Variants in PKIB observed in about 807,000 individuals in gnomAD.
PKIB encodes the protein PKI-beta.
Under a neutral mutation model 4.5 loss-of-function variants are expected in PKIB, and 2 were observed. That is an observed-to-expected ratio of 0.44 (90% CI 0.18 to 1.39). The LOEUF (loss-of-function observed/expected upper bound fraction) is 1.39. Ranked by LOEUF, PKIB falls within the 40% of genes most tolerant of loss-of-function variation. The probability of loss-of-function intolerance (pLI) is 0.27; values close to 1 mark genes in which losing one functional copy is unlikely to be tolerated. For synonymous variants in PKIB, 38 were observed against 36.0 expected (o/e 1.06, Z -0.20); for missense variants, 94 against 92.6 (o/e 1.02, Z -0.06).
chr6:122,668,284 C>G (rs1012501794), intron 2 of PKIB, among the ~76,000 whole-genome samples: 2 of 152,108 alleles, frequency 1.3e-5, no homozygotes, highest in Non-Finnish European at 2.9e-5. Context: ...ACACTAAAAA[C>G]AACAGTGAAA....
chr6:122,684,421 A>C (rs1161415659), intron 3 of PKIB, among the ~76,000 whole-genome samples: 1 of 151,876 alleles, frequency 6.6e-6, no homozygotes, highest in Non-Finnish European at 1.5e-5. Context: ...CTAGCCCTCA[A>C]TCTACCTTTC....
chr6:122,507,191 A>G (rs985352479), intron 2 of PKIB, among the ~76,000 whole-genome samples: 2 of 152,138 alleles, frequency 1.3e-5, no homozygotes, highest in African/African-American at 2.4e-5. Context: ...TGTTGTCAGT[A>G]GTCTTTTAGG....
intron 4 of PKIB, among the ~76,000 whole-genome samples, chr6:122,721,430 G>A (rs1779738529): frequency 6.6e-6 from 1 of 152,170 alleles, no homozygotes. Context: ...TTCCTTTTTA[G>A]ACAAGGACTT....
intron 2 of PKIB, among the ~76,000 whole-genome samples, chr6:122,664,186 C>T (rs1312548725): frequency 6.6e-6 from 1 of 152,162 alleles, no homozygotes; most frequent in Non-Finnish European, 1.5e-5. Context: ...ATGTTTGAAG[C>T]CCAGCTTTCA....
intron 3 of PKIB, among the ~76,000 whole-genome samples, chr6:122,702,167 A>T (rs1289240264): frequency 6.6e-6 from 1 of 152,034 alleles, no homozygotes; most frequent in Admixed American, 6.6e-5. Flanking sequence ...TGAGTGTGCA[A>T]ATTTCCAACT....
chr6:122,605,293 T>C (rs1226704972), upstream of PKIB, among the ~76,000 whole-genome samples: 2 of 151,136 alleles, frequency 1.3e-5, no homozygotes, highest in African/African-American at 2.4e-5. Flanking sequence ...TTATAGTTTC[T>C]GGTCTTTGAT....
chr6:122,567,126 A>C (rs942104378), intron 2 of PKIB, among the ~76,000 whole-genome samples: 1 of 152,220 alleles, frequency 6.6e-6, no homozygotes, highest in African/African-American at 2.4e-5. Context: ...TTCTCAGACT[A>C]TACCATTCTA....
intron 2 of PKIB, chr6:122,481,860 C>T (rs1582647782): frequency 1.3e-5 from 2 of 152,032 alleles, no homozygotes; most frequent in South Asian, 2.1e-4. Flanking sequence ...CTGTAGTTAA[C>T]TGTGTCAAAA....
chr6:122,482,887 G>T (rs1775664431), intron 2 of PKIB: 1 of 152,104 alleles, frequency 6.6e-6, no homozygotes, highest in African/African-American at 2.4e-5. Flanking sequence ...CACGTGCAAG[G>T]CTCTGGGGAA....
chr6:122,666,857 A>G (rs1027179436), intron 2 of PKIB, among the ~76,000 whole-genome samples: 2 of 152,216 alleles, frequency 1.3e-5, no homozygotes, highest in Non-Finnish European at 2.9e-5. Flanking sequence ...TATTAAGTCC[A>G]TATGGCGGAC....
At chr6:122,608,233 A>G (rs1017710366), upstream of PKIB, among the ~76,000 whole-genome samples, 1 of 151,866 alleles carries the variant, frequency 6.6e-6, no homozygotes, top group African/African-American at 2.4e-5. Context: ...TTATTTTCCT[A>G]TTTATTCTTG....
At chr6:122,537,058 G>T (rs949393947) in intron 2 of PKIB, among the ~76,000 whole-genome samples, 2 of 151,962 alleles carry the variant, frequency 1.3e-5, no homozygotes, top group African/African-American at 4.8e-5. Context: ...GTGGATGCTG[G>T]TAAATTTTTT....
At chr6:122,479,331 A>G (rs1411395781) in intron 2 of PKIB, 2 of 152,160 alleles carry the variant, frequency 1.3e-5, no homozygotes, top group Non-Finnish European at 2.9e-5. Context: ...GCCCTGAGAA[A>G]GGTACTTCAT....
chr6:122,576,710 A>ATATTT lies in PKIB; in HGVS notation c.-247-9210_-247-9209insATTTT, dbSNP rs59569106. On this transcript the variant is annotated intron_variant, in intron 2 of 6. Coordinates refer to the PKIB transcript ENST00000392491. ...AAAAAATATATATATATATATATATATTTTCTTTTGTATAATTATACCTCA... is the reference window on the plus strand; with the variant it reads ...AAAAAATATATATATATATATATATATATTTTTTTCTTTTGTATAATTATACCTCA... 1.7e-3 allele frequency among the ~76,000 whole-genome samples: 187 copies of ATATTT among 109,956 alleles called. 1 individual carries two copies. The highest frequency in any genetic ancestry group is 7.1e-3 in the East Asian group (22 of 3,108). 72.1% of individuals were successfully genotyped at this position (109,956 alleles called of 152,430 possible). A position where few individuals can be genotyped will look rare whatever the true frequency, so the allele number is the denominator to read the frequency against.
intron 2 of PKIB, among the ~76,000 whole-genome samples, chr6:122,663,347 A>G (rs995053445): frequency 6.6e-6 from 1 of 152,198 alleles, no homozygotes; most frequent in African/African-American, 2.4e-5. Context: ...CTGTTAAATT[A>G]CTATGTTTCC....
intron 3 of PKIB, among the ~76,000 whole-genome samples, chr6:122,693,383 CT>C (rs1375552989): frequency 6.6e-6 from 1 of 152,176 alleles, no homozygotes; most frequent in Non-Finnish European, 1.5e-5. Flanking sequence ...GCTGAGTCAG[CT>C]TTTTAGTATT....
intron 4 of PKIB, among the ~76,000 whole-genome samples, chr6:122,719,752 C>T (rs1471745813): frequency 2.6e-5 from 2 of 76,498 alleles, no homozygotes; most frequent in Non-Finnish European, 4.6e-5. Context: ...CACACACACA[C>T]ACACACACAC....
Position 122,502,753 on chromosome 6 carries a change from A to C in PKIB, c.-248+24814A>C, listed in dbSNP as rs114063338. On this transcript the variant is annotated intron_variant, in intron 2 of 6. Coordinates refer to the PKIB transcript ENST00000392491. ...CTTTATATACATACTGAATATAGTA[A>C]ATTCTAGATATTTTGGAGATGAATT... 1.4e-3 allele frequency among the ~76,000 whole-genome samples: 217 copies of C among 152,296 alleles called. 1 individual carries two copies. Among genetic ancestry groups the C allele is most frequent in the African/African-American group, 4.8e-3 (200 of 41,560 alleles).
At chr6:122,481,095 G>A (rs1665552630) in intron 2 of PKIB, 1 of 152,136 alleles carries the variant, frequency 6.6e-6, no homozygotes, top group Non-Finnish European at 1.5e-5. Flanking sequence ...TGGAAAACCT[G>A]ACAGACACCT....
Sources: allele counts gnomAD v4.1 joint callset (sites outside exome capture counted in the v4.1 genomes callset), GRCh38; gene constraint gnomAD v4.1.1; transcripts MANE v1.5; gene names NCBI Gene and HGNC (gene_info 2026-07-23, HGNC 2026-07-21).